The following BCL2L13 variants were observed in gnomAD, a reference collection of about 807,000 sequenced individuals.
The protein encoded by BCL2L13 is bcl-2-like protein 13.
BCL2L13 carries 13 observed loss-of-function variants against 25.8 expected under a neutral mutation model. The observed-to-expected ratio is 0.50, with a 90% CI of 0.33 to 0.80. BCL2L13 has a LOEUF of 0.80. BCL2L13 is among the 30% of genes least tolerant of loss of function. The pLI, the probability that BCL2L13 is intolerant of heterozygous loss-of-function variation, is 0.02. For missense variants in BCL2L13, 504 were observed against 574.9 expected (o/e 0.88, Z 1.26); for synonymous variants, 244 against 230.3 (o/e 1.06, Z -0.54).
chr22:17,710,734 G>A (rs965841483), intron 6 of BCL2L13, among the ~76,000 whole-genome samples: 4 of 151,894 alleles, frequency 2.6e-5, no homozygotes, highest in Non-Finnish European at 5.9e-5. Flanking sequence ...AAAATTAGCC[G>A]GGCGTGGTGG....
intron 6 of BCL2L13, among the ~76,000 whole-genome samples, chr22:17,722,382 T>C (rs754642991): frequency 0.16 from 20,263 of 126,094 alleles, 1,964 homozygotes; most frequent in African/African-American, 0.34. Flanking sequence ...TACAGGGGTG[T>C]GTGTGTGTGT....
chr22:17,712,103 G>C (rs1303913029), intron 6 of BCL2L13, among the ~76,000 whole-genome samples: 1 of 151,922 alleles, frequency 6.6e-6, no homozygotes, highest in South Asian at 2.1e-4. Flanking sequence ...TTGTAGTGAA[G>C]TAACTGATGT....
rs1237075521 is a variant in BCL2L13 at position 17,689,015 on chromosome 22, A to G, written c.259A>G (p.Thr87Ala). The G allele has an allele frequency of 6.2e-7, 1 of 1,613,958 alleles. No homozygotes were observed. The highest frequency in any genetic ancestry group is 8.5e-7 in the Non-Finnish European group (1 of 1,179,948). ...AFTSTGFDRH[T>A]SPVFSPANPE... ...CACCAGCACAGGCTTTGACCGTCACACTTCTCCAGTGTTCAGCCCTGCCAA... is the reference window on the plus strand; with the variant it reads ...CACCAGCACAGGCTTTGACCGTCACGCTTCTCCAGTGTTCAGCCCTGCCAA... The change falls in exon 4 of 7, where the codon ACT (threonine) becomes GCT (alanine). Residue 87 changes from threonine to alanine, a missense_variant. By Grantham distance (58) the Thr-to-Ala change is moderately conservative. Transcript: ENST00000317582.
At chr22:17,651,094 G>A (rs572468749) in intron 1 of BCL2L13, among the ~76,000 whole-genome samples, 8 of 141,608 alleles carry the variant, frequency 5.6e-5, no homozygotes, top group South Asian at 2.3e-4. Context: ...CCCAAGTCCC[G>A]GTTCAAGCAA....
intron 2 of BCL2L13, among the ~76,000 whole-genome samples, chr22:17,657,582 G>C (rs374370106): frequency 3.3e-5 from 5 of 151,350 alleles, no homozygotes; most frequent in Admixed American, 6.6e-5. Context: ...GCACGATCTC[G>C]GCTACTGCAA....
intron 2 of BCL2L13, among the ~76,000 whole-genome samples, chr22:17,662,214 C>T (rs895273656): frequency 6.6e-6 from 1 of 152,194 alleles, no homozygotes; most frequent in Admixed American, 6.6e-5. Context: ...CGTGGTGGCT[C>T]ACGCCTGTAA....
Position 17,661,503 on chromosome 22 carries a change from C to T in BCL2L13, c.121+5671C>T, listed in dbSNP as rs558177967. On this transcript the variant is annotated intron_variant, in intron 2 of 6. Transcript: ENST00000317582. Reference sequence around the variant, plus strand: ...AAGGATAAAGGTTGAACCTCTGTCCCGGAGGTTCTTGAAGTGGCTGACAGT... The same window carrying T: ...AAGGATAAAGGTTGAACCTCTGTCCTGGAGGTTCTTGAAGTGGCTGACAGT... 1.2e-4 allele frequency among the ~76,000 whole-genome samples: 17 copies of T among 145,986 alleles called. 3 individuals carry two copies. Among genetic ancestry groups the T allele is most frequent in the Admixed American group, 2.7e-4 (4 of 14,562 alleles).
At chr22:17,696,925 A>G (rs1178787002) in intron 5 of BCL2L13, among the ~76,000 whole-genome samples, 2 of 152,088 alleles carry the variant, frequency 1.3e-5, no homozygotes, top group African/African-American at 4.8e-5. Flanking sequence ...GCAGTGTGAG[A>G]AAGAAGGGCA....
chr22:17,678,206 T>C (rs1032703734), intron 2 of BCL2L13, among the ~76,000 whole-genome samples: 1 of 152,096 alleles, frequency 6.6e-6, no homozygotes, highest in Admixed American at 6.6e-5. Context: ...TTATTTTTCG[T>C]AGAAACAAGG....
At chr22:17,696,308 C>A in intron 5 of BCL2L13, 98 bp downstream of exon 5, 1 of 1,020,130 alleles carries the variant, frequency 9.8e-7, no homozygotes, top group Non-Finnish European at 1.5e-6. Context: ...ACTGTTAGAG[C>A]TCATTCTTTA....
chr22:17,633,991 T>C (rs1215432855), upstream of BCL2L13, among the ~76,000 whole-genome samples: 1 of 152,118 alleles, frequency 6.6e-6, no homozygotes, highest in East Asian at 1.9e-4. Flanking sequence ...CTTTACTGGT[T>C]GCCTTTCAGT....
intron 2 of BCL2L13, among the ~76,000 whole-genome samples, chr22:17,665,480 C>T (rs1163773327): frequency 3.9e-5 from 6 of 152,130 alleles, no homozygotes; most frequent in African/African-American, 7.2e-5. Flanking sequence ...TTCACATTTT[C>T]GGGTATGTTT....
intron 2 of BCL2L13, among the ~76,000 whole-genome samples, chr22:17,671,097 A>G (rs2059401762): frequency 6.6e-6 from 1 of 151,680 alleles, no homozygotes; most frequent in African/African-American, 2.4e-5. Context: ...TGTCTCTATT[A>G]AAAATACAAA....
intron 1 of BCL2L13, among the ~76,000 whole-genome samples, chr22:17,630,896 CT>C (rs1329639313): frequency 6.6e-6 from 1 of 151,372 alleles, no homozygotes; most frequent in East Asian, 2.0e-4. Flanking sequence ...CAGCCATAAC[CT>C]TTTTTTAATA....
upstream of BCL2L13, chr22:17,638,523 C>T: frequency 2.1e-6 from 1 of 466,742 alleles, no homozygotes; most frequent in Non-Finnish European, 3.5e-6. Context: ...AGCGACCAGC[C>T]GGTCAGAATC....
intron 1 of BCL2L13, among the ~76,000 whole-genome samples, chr22:17,631,681 TA>T (rs1770328693): frequency 4.2e-5 from 1 of 23,652 alleles, no homozygotes; most frequent in Admixed American, 6.8e-4. Flanking sequence ...TATATATATA[TA>T]TATATATATA....
chr22:17,670,452 G>A (rs959897995), intron 2 of BCL2L13, among the ~76,000 whole-genome samples: 3 of 145,576 alleles, frequency 2.1e-5, no homozygotes, highest in South Asian at 2.2e-4. Flanking sequence ...TTGGCTCACC[G>A]CAACCTCTGC....
rs1053960796 is a variant in BCL2L13 at position 17,706,634 on chromosome 22, T to C, written c.600+4248T>C. Reference sequence around the variant, plus strand: ...TCCCTCTCCTTAAGTCTGATCACCATTTCCTCTTAGTTTCAGTTTTGACTT... The same window carrying C: ...TCCCTCTCCTTAAGTCTGATCACCACTTCCTCTTAGTTTCAGTTTTGACTT... On this transcript the variant is annotated intron_variant, in intron 6 of 6. Coordinates refer to ENST00000317582, the MANE Select transcript of BCL2L13 (RefSeq NM_015367.4). 4.0e-6 allele frequency: 5 copies of C among 1,250,432 alleles called. No homozygotes were observed. In the African/African-American group the frequency reaches 7.6e-5, roughly 19 times the overall value. The allele number at this position is 1,250,432 out of a possible 1,614,324, so 77.5% of individuals were successfully genotyped here.
intron 6 of BCL2L13, among the ~76,000 whole-genome samples, chr22:17,722,404 T>TGTGTGTGTGTGCGC (rs1229910235): frequency 6.6e-6 from 1 of 151,534 alleles, no homozygotes; most frequent in African/African-American, 2.4e-5. Context: ...TGTGTGTGTG[T>TGTGTGTGTGTGCGC]GTGTGTGTGT....
Sources: gnomAD v4.1 joint callset for allele counts (sites outside exome capture counted in the v4.1 genomes callset) on GRCh38, gnomAD v4.1.1 for gene constraint, MANE v1.5 for transcripts, NCBI Gene and HGNC (gene_info 2026-07-23, HGNC 2026-07-21) for gene names.